NCOA7: variants seen among roughly 807,000 people sequenced by gnomAD.
NCOA7 encodes the protein 140 kDa estrogen receptor-associated protein.
A neutral mutation model predicts 104.3 loss-of-function variants in NCOA7; 45 were observed. The observed-to-expected ratio is 0.43, with a 90% CI of 0.34 to 0.55. NCOA7 has a LOEUF of 0.55. Ranked by LOEUF, NCOA7 falls within the 20% of genes least tolerant of loss-of-function variation. The pLI, the probability that NCOA7 is intolerant of heterozygous loss-of-function variation, is 0.02. For synonymous variants in NCOA7, 398 were observed against 402.3 expected, an observed-to-expected ratio of 0.99 and a Z score of 0.13; for missense variants, 1,041 against 1,119.7, an observed-to-expected ratio of 0.93 and a Z score of 1.00.
chr6:125,898,362 C>T (rs1785219304), intron 10 of NCOA7, among the ~76,000 whole-genome samples: 1 of 152,158 alleles, frequency 6.6e-6, no homozygotes, highest in African/African-American at 2.4e-5. Flanking sequence ...CCCATGTTAT[C>T]TTCATCATCC....
chr6:125,808,100 A>G (rs1318139668), intron 1 of NCOA7, among the ~76,000 whole-genome samples: 1 of 152,150 alleles, frequency 6.6e-6, no homozygotes, highest in African/African-American at 2.4e-5. Context: ...CATTCCCTGA[A>G]TGTCCTCTCG....
chr6:125,922,373 A>G (rs1787661336), intron 12 of NCOA7, among the ~76,000 whole-genome samples: 1 of 152,186 alleles, frequency 6.6e-6, no homozygotes, highest in Non-Finnish European at 1.5e-5. Context: ...AGTGGAAAGG[A>G]AGGGCATGTG....
chr6:125,784,717 A>G (rs925511144), intron 1 of NCOA7, among the ~76,000 whole-genome samples: 5 of 152,242 alleles, frequency 3.3e-5, no homozygotes, highest in African/African-American at 1.2e-4. Context: ...AAAGGGAAGG[A>G]ACTATTGATA....
At chr6:125,892,581 C>T (rs899839547) in intron 10 of NCOA7, among the ~76,000 whole-genome samples, 3 of 151,886 alleles carry the variant, frequency 2.0e-5, no homozygotes, top group African/African-American at 4.8e-5. Context: ...GGCTGAGGCA[C>T]GAGAATCGCT....
rs140761068 is a variant in NCOA7, at chr6:125,922,841, C to T, written c.2523+7C>T. On this transcript the variant is annotated splice_region_variant and intron_variant, in intron 13 of 15. Coordinates refer to ENST00000392477, the MANE Select transcript of NCOA7 (RefSeq NM_181782.5). ...CAAAGATATGGATAATCAGGTGAGG[C>T]CTGTCCCTCTCATAAAGAATATTTT... The T allele has an allele frequency of 2.5e-6, 4 of 1,612,192 alleles. No homozygotes were observed. The highest frequency in any genetic ancestry group is 4.5e-5 in the East Asian group (2 of 44,852).
At chr6:125,787,451 C>G (rs1410172742), upstream of NCOA7, among the ~76,000 whole-genome samples, 3 of 152,200 alleles carry the variant, frequency 2.0e-5, no homozygotes, top group African/African-American at 7.2e-5. Flanking sequence ...ACCCAGAGAT[C>G]CAGCTGCCTC....
At chr6:125,928,360 A>G (rs1788222423) in intron 15 of NCOA7, 113 bp downstream of exon 15, 1 of 936,782 alleles carries the variant, frequency 1.1e-6, no homozygotes, top group Non-Finnish European at 1.6e-6. Context: ...TAGCTAGTCC[A>G]TGTGCTTAGA....
At chr6:125,921,159 T>C in intron 12 of NCOA7, 91 bp downstream of exon 12, 4 of 1,486,010 alleles carry the variant, frequency 2.7e-6, no homozygotes, top group Non-Finnish European at 2.7e-6. Context: ...CCTGTAATCC[T>C]CACACTTTGG....
chr6:125,855,454 G>C, intron 3 of NCOA7: 1 of 481,302 alleles, frequency 2.1e-6, no homozygotes, highest in South Asian at 2.5e-5. Flanking sequence ...ATTTAGCACA[G>C]TGCCCAGAAT....
At chr6:125,838,812 C>T (rs934890167) in intron 2 of NCOA7, among the ~76,000 whole-genome samples, 2 of 152,062 alleles carry the variant, frequency 1.3e-5, no homozygotes, top group South Asian at 2.1e-4. Flanking sequence ...ACTAGAACTG[C>T]GCAGGGGACT....
intron 10 of NCOA7, among the ~76,000 whole-genome samples, chr6:125,892,396 G>A (rs996889144): frequency 6.6e-6 from 1 of 152,076 alleles, no homozygotes. Context: ...ACTTCAAGTG[G>A]TTTTTGTGAG....
intron 11 of NCOA7, among the ~76,000 whole-genome samples, chr6:125,920,015 C>T (rs1186963474): frequency 6.6e-6 from 1 of 152,218 alleles, no homozygotes; most frequent in Non-Finnish European, 1.5e-5. Flanking sequence ...GCCTAATATA[C>T]ACTCTTCAAT....
intron 1 of NCOA7, among the ~76,000 whole-genome samples, chr6:125,812,011 G>C (rs1583273390): frequency 6.6e-6 from 1 of 152,316 alleles, no homozygotes; most frequent in East Asian, 1.9e-4. Flanking sequence ...TAGTGCTGTT[G>C]AATTAAGGAA....
At chr6:125,826,928 T>G (rs639268) in intron 2 of NCOA7, among the ~76,000 whole-genome samples, 43,884 of 151,836 alleles carry the variant, frequency 0.29, 6,974 homozygotes, top group South Asian at 0.44. Flanking sequence ...CTGGGCGCGG[T>G]GACCCATGCC....
intron 3 of NCOA7, among the ~76,000 whole-genome samples, chr6:125,866,636 C>T (rs1343110002): frequency 6.6e-6 from 1 of 152,168 alleles, no homozygotes; most frequent in Non-Finnish European, 1.5e-5. Context: ...AGATGGTAGA[C>T]CAGGACTCTC....
chr6:125,868,513 A>G (rs9482712), intron 3 of NCOA7, among the ~76,000 whole-genome samples: 3,149 of 152,308 alleles, frequency 0.021, 106 homozygotes, highest in African/African-American at 0.069. Flanking sequence ...GTGGCTATGA[A>G]AATGTGTCAT....
chr6:125,866,762 G>GT (rs1562941219), intron 3 of NCOA7, among the ~76,000 whole-genome samples: 2 of 152,046 alleles, frequency 1.3e-5, no homozygotes, highest in East Asian at 1.9e-4. Context: ...CCAAATTTCT[G>GT]TTTTTTGGTG....
chr6:125,900,803 C>A (rs901104952), intron 10 of NCOA7, among the ~76,000 whole-genome samples: 7 of 151,824 alleles, frequency 4.6e-5, no homozygotes, highest in Non-Finnish European at 8.8e-5. Flanking sequence ...CACACTAAGA[C>A]CCTTTAAAAA....
intron 6 of NCOA7, among the ~76,000 whole-genome samples, chr6:125,881,670 C>CAA (rs397887394): frequency 3.3e-5 from 3 of 90,512 alleles, no homozygotes; most frequent in Non-Finnish European, 6.4e-5. Flanking sequence ...AACCCTATCT[C>CAA]AAAAAAAAAA....
Sources: allele counts gnomAD v4.1 joint callset (sites outside exome capture counted in the v4.1 genomes callset), GRCh38; gene constraint gnomAD v4.1.1; transcripts MANE v1.5; gene names NCBI Gene and HGNC (gene_info 2026-07-23, HGNC 2026-07-21).